AK5: variants seen among roughly 807,000 people sequenced by gnomAD.
AK5 encodes the protein adenylate kinase 5.
Under a neutral mutation model 69.5 loss-of-function variants are expected in AK5, and 27 were observed. The ratio of observed to expected loss-of-function variants is 0.39; its 90% CI spans 0.29 to 0.54. The LOEUF is 0.54. Ranked by LOEUF, AK5 falls within the 20% of genes least tolerant of loss-of-function variation. AK5 has a pLI of 0.71. For missense variants in AK5, 531 were observed against 700.4 expected (o/e 0.76, Z 2.73); for synonymous variants, 260 against 244.4 (o/e 1.06, Z -0.60).
intron 6 of AK5, among the ~76,000 whole-genome samples, chr1:77,372,022 T>C (rs916651129): frequency 4.6e-5 from 7 of 152,202 alleles, no homozygotes; most frequent in Non-Finnish European, 5.9e-5. Flanking sequence ...TGCTTCTGAT[T>C]TTGTTTATCA....
chr1:77,417,956 T>A, intron 8 of AK5: 1 of 358,222 alleles, frequency 2.8e-6, no homozygotes, highest in South Asian at 3.0e-5. Context: ...TCATCAAACG[T>A]TAACATGGGA....
At chr1:77,493,847 G>A (rs992716970) in intron 10 of AK5, among the ~76,000 whole-genome samples, 2 of 152,224 alleles carry the variant, frequency 1.3e-5, no homozygotes, top group Non-Finnish European at 2.9e-5. Flanking sequence ...TAATGTTGGA[G>A]AAATGTGGGC....
chr1:77,464,585 A>G (rs1179790029), intron 8 of AK5, among the ~76,000 whole-genome samples: 1 of 152,182 alleles, frequency 6.6e-6, no homozygotes, highest in African/African-American at 2.4e-5. Flanking sequence ...GGCTGAACAG[A>G]AGACAGGGCA....
chr1:77,307,738 T>C (rs1252833317), intron 5 of AK5, among the ~76,000 whole-genome samples: 1 of 152,098 alleles, frequency 6.6e-6, no homozygotes, highest in Non-Finnish European at 1.5e-5. Context: ...GTGTTCTCCC[T>C]CCCCTGGCAC....
intron 6 of AK5, among the ~76,000 whole-genome samples, chr1:77,380,321 G>A (rs553524315): frequency 6.6e-6 from 1 of 152,222 alleles, no homozygotes; most frequent in South Asian, 2.1e-4. Context: ...GTACTTTATA[G>A]CCAATCCTCT....
At chr1:77,383,362 C>G (rs1647784185) in intron 6 of AK5, among the ~76,000 whole-genome samples, 1 of 151,912 alleles carries the variant, frequency 6.6e-6, no homozygotes, top group Admixed American at 6.5e-5. Context: ...GGGGGATTAA[C>G]ACAGGAATAA....
chr1:77,332,929 T>G (rs1661165406), intron 5 of AK5, among the ~76,000 whole-genome samples: 1 of 152,036 alleles, frequency 6.6e-6, no homozygotes, highest in Non-Finnish European at 1.5e-5. Context: ...ATTTGTGACT[T>G]TCTCCTTTTA....
intron 11 of AK5, among the ~76,000 whole-genome samples, chr1:77,520,344 G>C (rs1171599377): frequency 6.6e-6 from 1 of 152,024 alleles, no homozygotes; most frequent in African/African-American, 2.4e-5. Flanking sequence ...TGATTTCTTT[G>C]AAACATTTAT....
chr1:77,417,592 A>T, intron 7 of AK5, 47 bp from the exon 8 acceptor site: 1 of 1,183,344 alleles, frequency 8.5e-7, no homozygotes, highest in Non-Finnish European at 1.3e-6. Context: ...CTTTAGAAAC[A>T]TACATAGACA....
intron 5 of AK5, among the ~76,000 whole-genome samples, chr1:77,321,662 A>G (rs1660541682): frequency 6.6e-6 from 1 of 152,154 alleles, no homozygotes. Flanking sequence ...TTAATGGTAA[A>G]ATGTTGAGTG....
At chr1:77,525,280 A>G (rs1218346765) in intron 12 of AK5, among the ~76,000 whole-genome samples, 1 of 152,212 alleles carries the variant, frequency 6.6e-6, no homozygotes, top group African/African-American at 2.4e-5. Context: ...AGTTTTCCCA[A>G]TGCCATTTGT....
chr1:77,515,907 G>A (rs923748321), intron 10 of AK5, among the ~76,000 whole-genome samples: 4 of 152,082 alleles, frequency 2.6e-5, no homozygotes, highest in African/African-American at 9.7e-5. Flanking sequence ...CTGAAAATTA[G>A]CTGGGTGTGG....
At chr1:77,453,940 A>G (rs1653316234) in intron 8 of AK5, among the ~76,000 whole-genome samples, 1 of 152,172 alleles carries the variant, frequency 6.6e-6, no homozygotes, top group Non-Finnish European at 1.5e-5. Context: ...ATTCTCAGTC[A>G]TTGTACGGGG....
At chr1:77,524,102 T>A (rs1196972766) in intron 12 of AK5, among the ~76,000 whole-genome samples, 1 of 152,254 alleles carries the variant, frequency 6.6e-6, no homozygotes, top group East Asian at 1.9e-4. Flanking sequence ...TGTTGTAGCA[T>A]GTGTCAGAAT....
Position 77,317,679 on chromosome 1 carries a change from C to T in AK5, c.699+19732C>T, listed in dbSNP as rs1660310863. On this transcript the variant is annotated intron_variant, in intron 5 of 13. Transcript: ENST00000354567. ...CATCTAGTCTGTCTGTGTCCTGTGGCCAGACTAATCTTTCTGAAAGACCAC... is the reference window on the plus strand; with the variant it reads ...CATCTAGTCTGTCTGTGTCCTGTGGTCAGACTAATCTTTCTGAAAGACCAC... Among the ~76,000 whole-genome samples the T allele has an allele frequency of 3.3e-5, 5 of 152,148 alleles. No individual in the cohort carries two copies. In the South Asian group the frequency reaches 1.0e-3, roughly 32 times the overall value.
intron 10 of AK5, among the ~76,000 whole-genome samples, chr1:77,497,957 C>T (rs575335529): frequency 5.9e-5 from 9 of 152,206 alleles, no homozygotes; most frequent in Admixed American, 5.9e-4. Context: ...AGATTTTTCA[C>T]AGCTGACACC....
chr1:77,366,471 C>A lies in AK5; in HGVS notation c.891+25903C>A, dbSNP rs561354087. Reference sequence around the variant, plus strand: ...ATTTATAGAGATAAAATAATTTGTCCAAGTTCACACAGCAAGTGAGTGATA... The same window carrying A: ...ATTTATAGAGATAAAATAATTTGTCAAAGTTCACACAGCAAGTGAGTGATA... On this transcript the variant is annotated intron_variant, in intron 6 of 13. Transcript: ENST00000354567. 2.0e-5 allele frequency among the ~76,000 whole-genome samples: 3 copies of A among 152,064 alleles called. No homozygotes were observed. The South Asian group carries it at 6.2e-4, about 32-fold the overall frequency.
At chr1:77,494,616 C>T (rs761426125) in intron 10 of AK5, among the ~76,000 whole-genome samples, 1 of 152,124 alleles carries the variant, frequency 6.6e-6, no homozygotes, top group African/African-American at 2.4e-5. Flanking sequence ...GAAACTTGTA[C>T]AACAGAGACA....
intron 6 of AK5, among the ~76,000 whole-genome samples, chr1:77,345,335 G>A (rs1661860854): frequency 6.6e-6 from 1 of 152,172 alleles, no homozygotes; most frequent in Non-Finnish European, 1.5e-5. Flanking sequence ...AGCCAGGAAA[G>A]GCAGAGGCTG....
Sources: allele counts gnomAD v4.1 joint callset (sites outside exome capture counted in the v4.1 genomes callset), GRCh38; gene constraint gnomAD v4.1.1; transcripts MANE v1.5; gene names NCBI Gene and HGNC (gene_info 2026-07-23, HGNC 2026-07-21).